The following RABL6 variants were observed in gnomAD, a reference collection of about 807,000 sequenced individuals.
The protein encoded by RABL6 is rab-like protein 6.
Under a neutral mutation model 72.9 loss-of-function variants are expected in RABL6, and 28 were observed. The ratio of observed to expected loss-of-function variants is 0.38; its 90% CI spans 0.28 to 0.53. The LOEUF is 0.53. RABL6 is among the 20% of genes least tolerant of loss of function. The probability of loss-of-function intolerance (pLI) is 0.80; values close to 1 mark genes in which losing one functional copy is unlikely to be tolerated. For missense variants in RABL6, 1,029 were observed against 1,008.4 expected (o/e 1.02, Z -0.28); for synonymous variants, 477 against 421.2 (o/e 1.13, Z -1.62).
chr9:136,818,317 C>G (rs1848161805), intron 1 of RABL6, among the ~76,000 whole-genome samples: 1 of 124,086 alleles, frequency 8.1e-6, no homozygotes, highest in Admixed American at 9.8e-5. Context: ...GAGCCGAGAT[C>G]CCACCACTGC....
chr9:136,829,524 AC>A (rs567471206), intron 5 of RABL6, 40 bp downstream of exon 5: 87 of 1,525,322 alleles, frequency 5.7e-5, no homozygotes, highest in Non-Finnish European at 6.9e-5. Flanking sequence ...TGTGACTCTC[AC>A]CCCCCTAGCC....
rs1564374641 is a variant in RABL6 at position 136,840,322 on chromosome 9, G to A, written c.1990G>A (p.Glu664Lys). The A allele has an allele frequency of 6.3e-7, 1 of 1,588,240 alleles. No individual in the cohort carries two copies. Among genetic ancestry groups the A allele is most frequent in the Non-Finnish European group, 8.6e-7 (1 of 1,167,890 alleles). The change falls in exon 15 of 15, where the codon GAA (glutamate) becomes AAA (lysine). Residue 664 changes from glutamate (E) to lysine (K), a missense_variant and splice_region_variant. Glu to Lys is a moderately conservative substitution (Grantham distance 56). Around this residue, in one of 2 missense-constraint regions of RABL6, gnomAD observed 595 missense variants for 472.4 expected, o/e 1.26. Transcript: ENST00000311502. Reference protein sequence around the residue: ...KKKKKKKGKEEEEKAAKKKSK... With the variant: ...KKKKKKKGKEKEEKAAKKKSK... ...GGCGCCCCATCCTTGTGCTCCTCAG[G>A]AAGAAGAAAAAGCTGCCAAGAAGAA...
intron 3 of RABL6, 61 bp downstream of exon 3, chr9:136,825,887 C>A (rs1848345002): frequency 1.9e-6 from 3 of 1,546,996 alleles, no homozygotes; most frequent in Non-Finnish European, 2.7e-6. Flanking sequence ...CGCAGAGAGG[C>A]TTCCTTTCTT....
In RABL6 at chr9:136,818,119, T is replaced by C. The variant is rs1429727008; in HGVS notation, c.131-5406T>C. Among the ~76,000 whole-genome samples, 5 of 145,054 alleles carry C rather than the reference T, an allele frequency of 3.4e-5. No homozygotes were observed. In the Admixed American group the frequency reaches 3.5e-4, roughly 10 times the overall value. The stretch of plus-strand genomic sequence containing the variant: ...TGGCTCACGCCTGTAATCCCAGCAC[T>C]TTGGGAGGCCGAGGCGGGCAGATCA... On this transcript the variant is annotated intron_variant, in intron 1 of 14. Coordinates refer to ENST00000311502, the MANE Select transcript of RABL6 (RefSeq NM_024718.5).
chr9:136,837,299 G>C (rs1411965771), intron 8 of RABL6, 47 bp from the exon 9 acceptor site: 12 of 1,540,756 alleles, frequency 7.8e-6, no homozygotes, highest in Non-Finnish European at 9.7e-6. Context: ...GAGGGCCTCA[G>C]GGAGAGGCAG....
chr9:136,817,768 C>T (rs1848150650), intron 1 of RABL6, among the ~76,000 whole-genome samples: 1 of 152,094 alleles, frequency 6.6e-6, no homozygotes, highest in Non-Finnish European at 1.5e-5. Flanking sequence ...GAGTGGATTT[C>T]AAAAAGCAAA....
At chr9:136,813,237 AATT>A (rs1848051150) in intron 1 of RABL6, 1 of 544,912 alleles carries the variant, frequency 1.8e-6, no homozygotes, top group Non-Finnish European at 3.5e-6. Context: ...TTATTACAGG[AATT>A]TAAAGCTGCT....
In RABL6 at chr9:136,825,577, C is replaced by A. The variant is rs181675667; in HGVS notation, c.266-202C>A. 6.5e-3 allele frequency among the ~76,000 whole-genome samples: 992 copies of A among 152,280 alleles called. 6 individuals are homozygous for A. The highest frequency in any genetic ancestry group is 0.012 in the Non-Finnish European group (789 of 68,022). ...GGGAGATACCGTGCATTCAGTTTGT[C>A]ACTGAAGCTGTGTCTGAGCGAAGGC... On this transcript the variant is annotated intron_variant, in intron 2 of 14. Coordinates refer to ENST00000311502, the MANE Select transcript of RABL6 (RefSeq NM_024718.5).
chr9:136,828,545 A>G lies in RABL6; in HGVS notation c.365A>G (p.Glu122Gly). The G allele has an allele frequency of 6.2e-7, 1 of 1,613,252 alleles. No homozygotes were observed. The highest frequency in any genetic ancestry group is 8.5e-7 in the Non-Finnish European group (1 of 1,179,754). ...DGLKMENDPQ[E>G]AESEMALDAE... Reference sequence around the variant, plus strand: ...TTAAAGATGGAGAACGACCCCCAGGAGGTGAGTGCCAGGTACACAGTGGGT... The same window carrying G: ...TTAAAGATGGAGAACGACCCCCAGGGGGTGAGTGCCAGGTACACAGTGGGT... Residue 122 changes from glutamate (E) to glycine (G), a missense_variant and splice_region_variant, in exon 4 of 15, where the codon GAG becomes GGG. Around this residue, in one of 2 missense-constraint regions of RABL6, gnomAD observed 434 missense variants for 536.1 expected, o/e 0.81. Transcript: ENST00000311502.
rs1364130479 is a variant in RABL6, at chr9:136,837,795, G to C, written c.1127-67G>C. The C allele has an allele frequency of 5.8e-6, 9 of 1,541,514 alleles. No individual in the cohort carries two copies. In the East Asian group the frequency reaches 2.0e-4, roughly 34 times the overall value. The stretch of plus-strand genomic sequence containing the variant: ...CCGTGGGCACATCCCGGGTGGGCCT[G>C]GCTTGGGGTTGGGTGCAGTGAGGGT... On this transcript the variant is annotated intron_variant, in intron 9 of 14. Transcript: ENST00000311502.
At chr9:136,808,369 T>G in intron 1 of RABL6, 43 bp downstream of exon 1, 1 of 1,440,406 alleles carries the variant, frequency 6.9e-7, no homozygotes, top group Non-Finnish European at 9.1e-7. Context: ...GCCGCGCGGG[T>G]CTCCGAACCC....
At chr9:136,834,262 C>T in intron 7 of RABL6, 1 of 1,096,436 alleles carries the variant, frequency 9.1e-7, no homozygotes, top group Non-Finnish European at 1.1e-6. Context: ...TGTAATACCG[C>T]ATGTTAAACT....
intron 1 of RABL6, chr9:136,822,042 T>G: frequency 7.8e-7 from 1 of 1,288,690 alleles, no homozygotes; most frequent in African/African-American, 1.5e-5. Flanking sequence ...GGAGAAGAAA[T>G]GACTGTGGGA....
In RABL6 at chr9:136,840,453, G is replaced by A. The variant is rs1350631563; in HGVS notation, c.2121G>A (p.Leu707=). 1.3e-6 allele frequency: 2 copies of A among 1,542,502 alleles called. No individual in the cohort carries two copies. The highest frequency in any genetic ancestry group is 2.8e-5 in the African/African-American group (2 of 72,392). ...GGGAGAGGACGGCTGCCGATGAGCT[G>A]GAGGCTTTCCTGGGGGGCGGGGCCC... The part of the protein sequence containing the change: ...RSRERTAADE[L]EAFLGGGAPG... The change falls in exon 15 of 15, where the codon CTG becomes CTA. Residue 707 remains leucine (L), a synonymous_variant. Transcript: ENST00000311502.
At chr9:136,817,171 A>G (rs901737278) in intron 1 of RABL6, among the ~76,000 whole-genome samples, 4 of 152,150 alleles carry the variant, frequency 2.6e-5, no homozygotes, top group Non-Finnish European at 5.9e-5. Flanking sequence ...AAGCAGCACT[A>G]ACTCAGCTGA....
chr9:136,828,623 G>A (rs944096408), intron 4 of RABL6, 77 bp downstream of exon 4: 36 of 1,491,028 alleles, frequency 2.4e-5, no homozygotes, highest in East Asian at 4.6e-5. Context: ...CGCTTCACAC[G>A]CTTTTGACCC....
Position 136,808,195 on chromosome 9 carries a change from A to C in RABL6, c.-2A>C. ...CCCGGGCTGGGACGTCCGAGCGGGA[A>C]GATGTTTTCCGCCCTGAAGAAGCTG... On this transcript the variant is annotated 5_prime_UTR_variant, in exon 1 of 15. Coordinates refer to ENST00000311502, the MANE Select transcript of RABL6 (RefSeq NM_024718.5). 6.6e-7 allele frequency: 1 copy of C among 1,522,978 alleles called. No individual in the cohort carries two copies. Among genetic ancestry groups the C allele is most frequent in the Non-Finnish European group, 8.8e-7 (1 of 1,136,022 alleles). 94.3% of individuals were successfully genotyped at this position (1,522,978 alleles called of 1,614,324 possible). A position where few individuals can be genotyped will look rare whatever the true frequency, so the allele number is the denominator to read the frequency against.
At chr9:136,834,534 G>C in intron 7 of RABL6, 1 of 900,788 alleles carries the variant, frequency 1.1e-6, no homozygotes, top group Non-Finnish European at 1.3e-6. Context: ...GCTGGAGTAC[G>C]GTGGTGCAAT....
chr9:136,813,240 T>A, intron 1 of RABL6: 1 of 545,698 alleles, frequency 1.8e-6, no homozygotes, highest in Non-Finnish European at 3.5e-6. Context: ...TTACAGGAAT[T>A]TAAAGCTGCT....
Sources: allele counts gnomAD v4.1 joint callset (sites outside exome capture counted in the v4.1 genomes callset), GRCh38; gene constraint gnomAD v4.1.1; regional missense constraint gnomAD v4.1.1; transcripts MANE v1.5; gene names NCBI Gene and HGNC (gene_info 2026-07-23, HGNC 2026-07-21).